GRID1: variants seen among roughly 807,000 people sequenced by gnomAD.
GRID1 encodes the protein glutamate ionotropic receptor delta type subunit 1, also known as glutamate receptor ionotropic, delta-1.
In GRID1, 28 loss-of-function variants were observed where a neutral mutation model predicts 98.0. The ratio of observed to expected loss-of-function variants is 0.29; its 90% CI spans 0.21 to 0.39. GRID1 has a LOEUF of 0.39. GRID1 is among the 10% of genes least tolerant of loss of function. GRID1 has a pLI of 1.00. For synonymous variants in GRID1, 553 were observed against 538.5 expected, an observed-to-expected ratio of 1.03 and a Z score of -0.37; for missense variants, 1,111 against 1,340.5, an observed-to-expected ratio of 0.83 and a Z score of 2.67.
At chr10:85,750,158 T>C (rs1842033016) in intron 8 of GRID1, among the ~76,000 whole-genome samples, 1 of 152,226 alleles carries the variant, frequency 6.6e-6, no homozygotes, top group African/African-American at 2.4e-5. Flanking sequence ...TACCTATTTT[T>C]ACAGTTAGCT....
intron 12 of GRID1, among the ~76,000 whole-genome samples, chr10:85,694,589 T>TATATAG (rs1841372028): frequency 3.4e-5 from 3 of 87,162 alleles, no homozygotes; most frequent in African/African-American, 1.7e-4. Context: ...TATATATATA[T>TATATAG]ATATATATAT....
At chr10:86,277,212 TAG>T (rs1847285017) in intron 2 of GRID1, among the ~76,000 whole-genome samples, 1 of 152,236 alleles carries the variant, frequency 6.6e-6, no homozygotes, top group South Asian at 2.1e-4. Context: ...GTTTAAAATG[TAG>T]AGTTTAGGTT....
At chr10:86,269,411 A>G (rs945299401) in intron 2 of GRID1, among the ~76,000 whole-genome samples, 3 of 152,182 alleles carry the variant, frequency 2.0e-5, no homozygotes, top group African/African-American at 7.2e-5. Flanking sequence ...ACTGAGGCCA[A>G]TACTCCAAGT....
intron 3 of GRID1, among the ~76,000 whole-genome samples, chr10:86,157,861 T>G (rs545427558): frequency 2.0e-5 from 3 of 152,168 alleles, no homozygotes; most frequent in Admixed American, 1.3e-4. Context: ...ATATAGGAGA[T>G]AGTAGCCTCC....
Position 85,602,653 on chromosome 10 carries a change from T to C in GRID1, c.2650A>G (p.Met884Val), listed in dbSNP as rs1465975482. The C allele has an allele frequency of 1.8e-5, 29 of 1,613,572 alleles. No individual in the cohort carries two copies. Among genetic ancestry groups the C allele is most frequent in the Non-Finnish European group, 2.0e-5 (24 of 1,179,716 alleles). The change falls in exon 16 of 16, where the codon ATG (methionine) becomes GTG (valine). Residue 884 changes from methionine to valine, a missense_variant. Physicochemically the swap from Met to Val is conservative, Grantham distance 21. Transcript: ENST00000327946. ...TGCTTGTGAGCAATGTCTTCATCCA[T>C]GAGGCTGTTCATGCGCCGGTGGACC... is the stretch of plus-strand genomic sequence containing the variant. ...EQVHRRMNSL[M>V]DEDIAHKQIS... is the part of the protein sequence containing the mutation.
chr10:85,626,491 T>C (rs527490588), intron 13 of GRID1, among the ~76,000 whole-genome samples: 1 of 152,360 alleles, frequency 6.6e-6, no homozygotes, highest in South Asian at 2.1e-4. Context: ...AAGTGTTTCA[T>C]GGAGTCACTG....
chr10:86,340,266 G>A (rs1263901420), intron 2 of GRID1, among the ~76,000 whole-genome samples: 8 of 152,168 alleles, frequency 5.3e-5, no homozygotes, highest in Admixed American at 1.3e-4. Flanking sequence ...GCAAAGCCCC[G>A]AACCACCAAA....
rs552442358 is a variant in GRID1, at chr10:85,760,652, G to A, written c.1234-31038C>T. Among the ~76,000 whole-genome samples the A allele has an allele frequency of 1.7e-4, 26 of 152,254 alleles. No homozygotes were observed. In the South Asian group the frequency reaches 5.4e-3, roughly 32 times the overall value. The stretch of plus-strand genomic sequence containing the variant: ...CACAGTATTGGCTAGTGAGACAGAA[G>A]TCAACAATGTCAACAATAAGTATAC... On this transcript the variant is annotated intron_variant, in intron 8 of 15. Transcript: ENST00000327946.
intron 5 of GRID1, among the ~76,000 whole-genome samples, chr10:85,883,093 G>A (rs1429179511): frequency 3.3e-5 from 5 of 151,930 alleles, no homozygotes; most frequent in Admixed American, 6.6e-5. Context: ...TACCTTCCAT[G>A]TATGTTAACT....
In GRID1 at chr10:86,365,810, C is replaced by T. The variant is rs1201683166; in HGVS notation, c.79+504G>A. On this transcript the variant is annotated intron_variant, in intron 1 of 15. Transcript: ENST00000327946. The surrounding 1 kb of genome is among the most constrained non-coding windows in gnomAD (Gnocchi z 4.8). ...TCAGATGGCCCCACACACCCCAACA[C>T]CCTCTCACAGTAACACCGACACCGT... Among the ~76,000 whole-genome samples, 1 of 152,182 alleles carries T rather than the reference C, an allele frequency of 6.6e-6. No homozygotes were observed. The highest frequency in any genetic ancestry group is 6.5e-5 in the Admixed American group (1 of 15,286).
chr10:85,924,855 T>C (rs553725182), intron 4 of GRID1, among the ~76,000 whole-genome samples: 1 of 152,346 alleles, frequency 6.6e-6, no homozygotes, highest in East Asian at 1.9e-4. Context: ...CTGCCTTCCC[T>C]GTTCATGTGG....
chr10:85,815,632 C>G (rs1187820512), intron 8 of GRID1, among the ~76,000 whole-genome samples: 1 of 151,876 alleles, frequency 6.6e-6, no homozygotes, highest in Admixed American at 6.6e-5. Flanking sequence ...TAGAATAAAA[C>G]ATAAAGAGAA....
chr10:86,221,632 T>C (rs893943089), intron 2 of GRID1, among the ~76,000 whole-genome samples: 1 of 152,120 alleles, frequency 6.6e-6, no homozygotes, highest in African/African-American at 2.4e-5. Flanking sequence ...CCCAGGCCAG[T>C]GGCTGCTGTG....
At chr10:85,993,676 G>A (rs1842708165) in intron 4 of GRID1, among the ~76,000 whole-genome samples, 1 of 152,186 alleles carries the variant, frequency 6.6e-6, no homozygotes, top group African/African-American at 2.4e-5. Flanking sequence ...AAATGATGAA[G>A]AGCACCATTT....
intron 3 of GRID1, among the ~76,000 whole-genome samples, chr10:86,181,776 A>C (rs1338147403): frequency 6.6e-6 from 1 of 152,218 alleles, no homozygotes; most frequent in African/African-American, 2.4e-5. Context: ...AGGACATTAC[A>C]TAATAACAAG....
chr10:85,617,011 C>T (rs1458467918), intron 14 of GRID1, among the ~76,000 whole-genome samples: 1 of 152,146 alleles, frequency 6.6e-6, no homozygotes, highest in African/African-American at 2.4e-5. Context: ...CTGTCCTCTG[C>T]CAAAGCAAAG....
intron 6 of GRID1, among the ~76,000 whole-genome samples, chr10:85,862,804 C>CAGCAGGAG (rs1843176278): frequency 6.6e-6 from 1 of 152,160 alleles, no homozygotes; most frequent in African/African-American, 2.4e-5. Context: ...TACCTTGTGG[C>CAGCAGGAG]AGCAGGAGCA....
At chr10:86,324,728 C>A (rs1008249875) in intron 2 of GRID1, among the ~76,000 whole-genome samples, 1 of 151,832 alleles carries the variant, frequency 6.6e-6, no homozygotes, top group Non-Finnish European at 1.5e-5. Context: ...CCAGGCATAT[C>A]AATCATCTCA....
At chr10:86,111,897 G>T (rs991979014) in intron 4 of GRID1, among the ~76,000 whole-genome samples, 10 of 152,220 alleles carry the variant, frequency 6.6e-5, no homozygotes, top group African/African-American at 2.4e-4. Flanking sequence ...TCCATGGTCT[G>T]GGAATACTAC....
Sources: allele counts gnomAD v4.1 joint callset (sites outside exome capture counted in the v4.1 genomes callset), GRCh38; gene constraint gnomAD v4.1.1; non-coding constraint Gnocchi (gnomAD v3.1); transcripts MANE v1.5; gene names NCBI Gene and HGNC (gene_info 2026-07-23, HGNC 2026-07-21).